MAGI2: variants seen among roughly 807,000 people sequenced by gnomAD.
MAGI2 encodes the protein membrane associated guanylate kinase, WW and PDZ domain containing 2.
In MAGI2, 35 loss-of-function variants were observed where a neutral mutation model predicts 133.3. The ratio of observed to expected loss-of-function variants is 0.26; its 90% CI spans 0.20 to 0.35. The LOEUF (loss-of-function observed/expected upper bound fraction) is 0.35. Ranked by LOEUF, MAGI2 falls within the 10% of genes least tolerant of loss-of-function variation. The pLI is 1.00. For missense variants in MAGI2, 1,636 were observed against 1,863.4 expected (o/e 0.88, Z 2.25); for synonymous variants, 729 against 710.6 (o/e 1.03, Z -0.41).
intron 20 of MAGI2, among the ~76,000 whole-genome samples, chr7:78,110,380 A>G (rs1212481344): frequency 6.6e-6 from 1 of 152,204 alleles, no homozygotes; most frequent in African/African-American, 2.4e-5. Context: ...AAGACATGGG[A>G]CACTAAGATG....
At chr7:78,028,613 G>T (rs1809206928) in intron 21 of MAGI2, among the ~76,000 whole-genome samples, 1 of 152,136 alleles carries the variant, frequency 6.6e-6, no homozygotes, top group South Asian at 2.1e-4. Flanking sequence ...CCAGCACTTT[G>T]GGAGGCCAAG....
intron 2 of MAGI2, among the ~76,000 whole-genome samples, chr7:78,699,942 G>C (rs193077730): frequency 9.9e-4 from 150 of 152,142 alleles, no homozygotes; most frequent in Non-Finnish European, 1.5e-3. Flanking sequence ...TTTGAGAAGA[G>C]AAACTATGAA....
intron 1 of MAGI2, among the ~76,000 whole-genome samples, chr7:79,215,857 T>G (rs1829988429): frequency 6.6e-6 from 1 of 151,988 alleles, no homozygotes; most frequent in South Asian, 2.1e-4. Flanking sequence ...TCTAAATTGA[T>G]GGAGACTTGT....
chr7:78,656,090 C>CA (rs750177498), intron 2 of MAGI2, among the ~76,000 whole-genome samples: 1 of 150,250 alleles, frequency 6.7e-6, no homozygotes, highest in Non-Finnish European at 1.5e-5. Flanking sequence ...AAACACATTA[C>CA]AAAAAACAGC....
chr7:79,374,738 T>C (rs1843276196), intron 1 of MAGI2, among the ~76,000 whole-genome samples: 2 of 151,984 alleles, frequency 1.3e-5, no homozygotes, highest in Non-Finnish European at 2.9e-5. Context: ...AATTAAAAAA[T>C]TAGAAAGAAA....
At chr7:78,871,962 C>A (rs1795062548) in intron 2 of MAGI2, among the ~76,000 whole-genome samples, 1 of 151,686 alleles carries the variant, frequency 6.6e-6, no homozygotes, top group Non-Finnish European at 1.5e-5. Context: ...TCATTTTTGA[C>A]CTTGCTTAAC....
intron 4 of MAGI2, among the ~76,000 whole-genome samples, chr7:78,503,772 T>C (rs530386367): frequency 6.7e-6 from 1 of 149,934 alleles, no homozygotes; most frequent in East Asian, 2.0e-4. Context: ...TTGCATCATA[T>C]GAATAAGTGA....
intron 6 of MAGI2, among the ~76,000 whole-genome samples, chr7:78,461,912 G>A (rs190988464): frequency 0.16 from 3,050 of 19,450 alleles, 81 homozygotes; most frequent in Middle Eastern, 0.34. Context: ...GCAAAATTCC[G>A]TCTCAAAAAA....
At chr7:78,213,432 T>C (rs1398883319) in intron 10 of MAGI2, among the ~76,000 whole-genome samples, 1 of 152,232 alleles carries the variant, frequency 6.6e-6, no homozygotes, top group African/African-American at 2.4e-5. Flanking sequence ...GATCAATATT[T>C]ATCAAAAGAG....
At chr7:78,292,166 T>C (rs1796782015) in intron 9 of MAGI2, among the ~76,000 whole-genome samples, 1 of 151,732 alleles carries the variant, frequency 6.6e-6, no homozygotes, top group Non-Finnish European at 1.5e-5. Context: ...GATGACATGA[T>C]TGTATACTTA....
intron 6 of MAGI2, among the ~76,000 whole-genome samples, chr7:78,451,804 C>T (rs1323068773): frequency 6.6e-6 from 1 of 152,094 alleles, no homozygotes; most frequent in Non-Finnish European, 1.5e-5. Context: ...GCTTTTGATA[C>T]ACAAATATAT....
In MAGI2 at chr7:78,084,297, C is replaced by T. The variant is rs147276013; in HGVS notation, c.3568-5212G>A. ...TCACAGGCTAATGCCATCATCGTTC[C>T]TCCCTTATAGGCTGGTTTCTCCCAC... On this transcript the variant is annotated intron_variant, in intron 20 of 21. Coordinates refer to ENST00000354212, the MANE Select transcript of MAGI2 (RefSeq NM_012301.4). Among the ~76,000 whole-genome samples the T allele has an allele frequency of 3.3e-5, 5 of 152,262 alleles. No homozygotes were observed. The East Asian group carries it at 9.6e-4, about 29-fold the overall frequency.
chr7:78,707,299 GTT>G (rs1818752783), intron 2 of MAGI2, among the ~76,000 whole-genome samples: 2 of 152,098 alleles, frequency 1.3e-5, no homozygotes, highest in African/African-American at 4.8e-5. Flanking sequence ...AATCACTGAG[GTT>G]TTCTAAAATT....
At chr7:78,269,548 T>TGAGC (rs1276712365) in intron 9 of MAGI2, among the ~76,000 whole-genome samples, 1 of 152,088 alleles carries the variant, frequency 6.6e-6, no homozygotes, top group Non-Finnish European at 1.5e-5. Context: ...TGATGAGCTT[T>TGAGC]TTTTTCATGT....
chr7:79,349,107 A>G (rs948943729), intron 1 of MAGI2, among the ~76,000 whole-genome samples: 3 of 152,008 alleles, frequency 2.0e-5, no homozygotes, highest in African/African-American at 4.8e-5. Flanking sequence ...TTAAGGTTTT[A>G]TGGATTTATA....
chr7:79,135,445 T>G (rs983919124), intron 1 of MAGI2, among the ~76,000 whole-genome samples: 1 of 151,998 alleles, frequency 6.6e-6, no homozygotes, highest in African/African-American at 2.4e-5. Flanking sequence ...CAACACAAAC[T>G]CTTGTATAAC....
chr7:78,760,037 C>T (rs76025655), intron 2 of MAGI2, among the ~76,000 whole-genome samples: 9,771 of 152,110 alleles, frequency 0.064, 355 homozygotes, highest in Admixed American at 0.11. Flanking sequence ...ATTGCTTGAA[C>T]CCTGAAAGGT....
At position 78,638,535 on chromosome 7, in the gene MAGI2, G is replaced by A. The variant is rs191158379; in HGVS notation, c.419-11296C>T. Among the ~76,000 whole-genome samples the A allele has an allele frequency of 3.9e-5, 6 of 152,264 alleles. No individual in the cohort carries two copies. The East Asian group carries it at 9.7e-4, about 25-fold the overall frequency. On this transcript the variant is annotated intron_variant, in intron 2 of 21. Coordinates refer to ENST00000354212, the MANE Select transcript of MAGI2 (RefSeq NM_012301.4). ...GAATTATTCACTACTTGGATGCAGA[G>A]ACATAAATAAAATGACTCACCCCAA...
intron 16 of MAGI2, among the ~76,000 whole-genome samples, chr7:78,146,008 T>C (rs1041281680): frequency 7.2e-5 from 11 of 152,190 alleles, no homozygotes; most frequent in Non-Finnish European, 7.4e-5. Flanking sequence ...GTAAATATCA[T>C]ATCATTTTTT....
Sources: allele counts gnomAD v4.1 joint callset (sites outside exome capture counted in the v4.1 genomes callset), GRCh38; gene constraint gnomAD v4.1.1; transcripts MANE v1.5; gene names NCBI Gene and HGNC (gene_info 2026-07-23, HGNC 2026-07-21).